CACNA2D4: variants seen among roughly 807,000 people sequenced by gnomAD.
CACNA2D4 encodes the protein calcium voltage-gated channel auxiliary subunit alpha2delta 4.
A neutral mutation model predicts 163.8 loss-of-function variants in CACNA2D4; 157 were observed. The observed-to-expected ratio is 0.96, with a 90% CI of 0.84 to 1.09. The LOEUF (loss-of-function observed/expected upper bound fraction) is 1.09. Among genes scored for constraint, CACNA2D4 ranks in the 50% least tolerant of loss-of-function variants. The pLI is 0.00. For synonymous variants in CACNA2D4, 598 were observed against 586.9 expected (o/e 1.02, Z -0.27); for missense variants, 1,410 against 1,479.9 (o/e 0.95, Z 0.78).
intron 20 of CACNA2D4, among the ~76,000 whole-genome samples, chr12:1,856,736 AAC>A (rs1161030842): frequency 1.3e-5 from 2 of 152,202 alleles, no homozygotes; most frequent in Non-Finnish European, 2.9e-5. Context: ...CCTCTCACCT[AAC>A]ACAGAGCCAG....
rs535524485 is a variant in CACNA2D4, at chr12:1,812,863, C to T, written c.2552-1140G>A. Among the ~76,000 whole-genome samples, 17 of 152,286 alleles carry T rather than the reference C, an allele frequency of 1.1e-4. No individual in the cohort carries two copies. The East Asian group carries it at 1.4e-3, about 12-fold the overall frequency. ...GGCTCGGGTTTCCTCATCTGTGAAA[C>T]GGGAACGGATGTGGCTTCTTAACCA... is the stretch of plus-strand genomic sequence containing the variant. On this transcript the variant is annotated intron_variant, in intron 26 of 37. Transcript: ENST00000382722.
At chr12:1,896,775 C>G (rs142830794) in intron 6 of CACNA2D4, among the ~76,000 whole-genome samples, 2 of 152,130 alleles carry the variant, frequency 1.3e-5, no homozygotes, top group Non-Finnish European at 2.9e-5. Flanking sequence ...AAAAATAGAA[C>G]TACCATATGA....
rs749296840 is a variant in CACNA2D4, at chr12:1,844,526, C to T, written c.2346G>A (p.Lys782=). 3 of 1,612,372 alleles carry T rather than the reference C, an allele frequency of 1.9e-6. No homozygotes were observed. In the Admixed American group the frequency reaches 5.0e-5, roughly 27 times the overall value. The part of the protein sequence containing the change: ...FVGSEKVSDR[K]FLTPEDEASV... ...TGGCCTCGTCCTCAGGTGTCAGGAA[C>T]TTCCTGCAAGGAGGAAGATGTGGTA... The change falls in exon 25 of 38, where the codon AAG becomes AAA. Residue 782 remains lysine, a synonymous_variant. Coordinates refer to ENST00000382722, the MANE Select transcript of CACNA2D4 (RefSeq NM_172364.5). This position sits in a 1 kb window ranked among gnomAD's most constrained non-coding sequence, Gnocchi z 4.2.
chr12:1,836,801 T>C (rs1015638102), intron 26 of CACNA2D4: 2 of 152,704 alleles, frequency 1.3e-5, no homozygotes, highest in African/African-American at 4.8e-5. Context: ...CCAGGAGAGT[T>C]GCTTCCTGCC....
At chr12:1,905,435 T>G (rs1454834630) in intron 6 of CACNA2D4, among the ~76,000 whole-genome samples, 1 of 152,156 alleles carries the variant, frequency 6.6e-6, no homozygotes, top group African/African-American at 2.4e-5. Flanking sequence ...TGTTCACAGA[T>G]GATCTCATAT....
chr12:1,801,255 C>G (rs907980442), intron 30 of CACNA2D4, 137 bp from the exon 31 acceptor site: 69 of 722,318 alleles, frequency 9.6e-5, no homozygotes, highest in Admixed American at 2.1e-4. Context: ...GATCAGAATA[C>G]AGCTCATGCT....
intron 6 of CACNA2D4, among the ~76,000 whole-genome samples, chr12:1,895,362 T>A (rs1866377864): frequency 6.6e-6 from 1 of 150,578 alleles, no homozygotes; most frequent in Admixed American, 6.6e-5. Flanking sequence ...TTCACAAGAG[T>A]AGAAAAAAAT....
rs754086288 is a variant in CACNA2D4, at chr12:1,844,899, G to A, written c.2343-370C>T. Among the ~76,000 whole-genome samples the A allele has an allele frequency of 3.9e-5, 6 of 152,168 alleles. No individual in the cohort carries two copies. Among genetic ancestry groups the A allele is most frequent in the Admixed American group, 6.5e-5 (1 of 15,278 alleles). On this transcript the variant is annotated intron_variant, in intron 24 of 37. Coordinates refer to ENST00000382722, the MANE Select transcript of CACNA2D4 (RefSeq NM_172364.5). This position sits in a 1 kb window ranked among gnomAD's most constrained non-coding sequence, Gnocchi z 4.2. ...CAGCTCTATCACTGCACTAATAGGA[G>A]GGCATCAATCCCCCCAAATGGTTCC...
rs117713284 is a variant in CACNA2D4, at chr12:1,805,890, C to T, written c.2722-4246G>A. The stretch of plus-strand genomic sequence containing the variant: ...TTGAAGATGAGGAGCCTGGGCTGGG[C>T]GGGCCGCAGGCGGCAGGGAAGGTGA... On this transcript the variant is annotated intron_variant, in intron 29 of 37. Coordinates refer to ENST00000382722, the MANE Select transcript of CACNA2D4 (RefSeq NM_172364.5). 5.9e-3 allele frequency among the ~76,000 whole-genome samples: 906 copies of T among 152,310 alleles called. 29 individuals carry two copies. In the East Asian group the frequency reaches 0.076, roughly 13 times the overall value.
At chr12:1,801,520 C>G in intron 30 of CACNA2D4, 54 bp downstream of exon 30, 1 of 1,365,482 alleles carries the variant, frequency 7.3e-7, no homozygotes, top group Non-Finnish European at 1.0e-6. Context: ...CACTTAGCGT[C>G]AGCTCTCGGT....
At chr12:1,812,956 A>G (rs1048036447) in intron 26 of CACNA2D4, among the ~76,000 whole-genome samples, 1 of 152,190 alleles carries the variant, frequency 6.6e-6, no homozygotes, top group African/African-American at 2.4e-5. Flanking sequence ...CCAGTATGGC[A>G]CAGAGATACA....
chr12:1,832,878 C>G (rs1381928763), intron 26 of CACNA2D4, among the ~76,000 whole-genome samples: 1 of 152,210 alleles, frequency 6.6e-6, no homozygotes, highest in East Asian at 1.9e-4. Flanking sequence ...ATGACACAGC[C>G]AGGATTCAAC....
chr12:1,908,125 C>CGCTTTTTTAAT, intron 4 of CACNA2D4, 88 bp from the exon 5 acceptor site: 1 of 1,378,362 alleles, frequency 7.3e-7, no homozygotes. Context: ...GGTGAGAGGA[C>CGCTTTTTTAAT]GAGAGGGCCG....
intron 6 of CACNA2D4, among the ~76,000 whole-genome samples, chr12:1,893,341 C>T (rs1414207780): frequency 6.6e-6 from 1 of 152,090 alleles, no homozygotes; most frequent in Middle Eastern, 3.4e-3. Flanking sequence ...GATGGTGAAA[C>T]CCCATCTCTA....
chr12:1,895,233 A>T (rs1160811615), intron 6 of CACNA2D4, among the ~76,000 whole-genome samples: 2 of 152,306 alleles, frequency 1.3e-5, no homozygotes, highest in African/African-American at 2.4e-5. Context: ...ATTGAAGAGG[A>T]TACAAATGAA....
intron 35 of CACNA2D4, among the ~76,000 whole-genome samples, chr12:1,796,723 G>A (rs1162897166): frequency 6.6e-6 from 1 of 152,180 alleles, no homozygotes; most frequent in Non-Finnish European, 1.5e-5. Context: ...CCACGGGCCC[G>A]GGGGTCTAGG....
chr12:1,850,921 T>C (rs1195849006), intron 23 of CACNA2D4, among the ~76,000 whole-genome samples: 1 of 151,040 alleles, frequency 6.6e-6, no homozygotes, highest in African/African-American at 2.4e-5. Context: ...CTTGCTCTGT[T>C]GCCCAGGCAG....
intron 29 of CACNA2D4, among the ~76,000 whole-genome samples, chr12:1,801,908 C>T (rs1863346688): frequency 6.6e-6 from 1 of 152,072 alleles, no homozygotes; most frequent in Non-Finnish European, 1.5e-5. Flanking sequence ...AACGTAGAGG[C>T]TGCAATGTGA....
chr12:1,801,172 C>A (rs1863310847), intron 30 of CACNA2D4, 54 bp from the exon 31 acceptor site: 1 of 1,490,140 alleles, frequency 6.7e-7, no homozygotes, highest in South Asian at 1.1e-5. Context: ...ACCCCCTGCC[C>A]CTGCCTCAGG....
Sources: gnomAD v4.1 joint callset for allele counts (sites outside exome capture counted in the v4.1 genomes callset) on GRCh38, gnomAD v4.1.1 for gene constraint, Gnocchi (gnomAD v3.1) non-coding constraint, MANE v1.5 for transcripts, NCBI Gene and HGNC (gene_info 2026-07-23, HGNC 2026-07-21) for gene names.